The following FLRT2 variants were observed in gnomAD, a reference collection of about 807,000 sequenced individuals.
FLRT2 encodes fibronectin leucine rich transmembrane protein 2, also known as leucine-rich repeat transmembrane protein FLRT2.
In FLRT2, 15 loss-of-function variants were observed where a neutral mutation model predicts 40.0. The observed-to-expected ratio is 0.38, with a 90% CI of 0.25 to 0.58. The LOEUF is 0.58. Ranked by LOEUF, FLRT2 falls within the 20% of genes least tolerant of loss-of-function variation. The pLI, the probability that FLRT2 is intolerant of heterozygous loss-of-function variation, is 0.71. For synonymous variants in FLRT2, 380 were observed against 336.8 expected (o/e 1.13, Z -1.41); for missense variants, 726 against 840.0 (o/e 0.86, Z 1.68).
intron 1 of FLRT2, among the ~76,000 whole-genome samples, chr14:85,601,691 G>A (rs1230981912): frequency 6.6e-6 from 1 of 152,204 alleles, no homozygotes. Context: ...TGAGACTAAT[G>A]ATAATACTTG....
In FLRT2 at chr14:85,641,701, T is replaced by C. The variant is rs1002444981; in HGVS notation, c.*18204T>C. The C allele has an allele frequency of 1.4e-4, 22 of 152,244 alleles. No individual in the cohort carries two copies. The highest frequency in any genetic ancestry group is 5.9e-4 in the Admixed American group (9 of 15,286). The allele number at this position is 152,244 out of a possible 1,614,324, so 9.4% of individuals were successfully genotyped here. ...GGAATAATTTCTGTTTCCTGCATTT[T>C]ATCTTGTTGGATTAAGTATTTGATA... On this transcript the variant is annotated 3_prime_UTR_variant, in exon 2 of 2. Coordinates refer to ENST00000330753, the MANE Select transcript of FLRT2 (RefSeq NM_013231.6).
In FLRT2 at chr14:85,631,824, T is replaced by C. The variant is rs1893881525; in HGVS notation, c.*8327T>C. The C allele has an allele frequency of 6.6e-6, 1 of 151,994 alleles. No individual in the cohort carries two copies. The highest frequency in any genetic ancestry group is 6.6e-5 in the Admixed American group (1 of 15,256). 9.4% of individuals were successfully genotyped at this position (151,994 alleles called of 1,614,324 possible). A position where few individuals can be genotyped will look rare whatever the true frequency, so the allele number is the denominator to read the frequency against. ...AAAGACCTGAAGAACATCTTTTTATTTTATTTATTTATTTTTTTTTGAGTT... is the reference window on the plus strand; with the variant it reads ...AAAGACCTGAAGAACATCTTTTTATCTTATTTATTTATTTTTTTTTGAGTT... On this transcript the variant is annotated 3_prime_UTR_variant, in exon 2 of 2. Coordinates refer to ENST00000330753, the MANE Select transcript of FLRT2 (RefSeq NM_013231.6).
At chr14:85,553,472 A>G (rs924915443) in intron 1 of FLRT2, among the ~76,000 whole-genome samples, 1 of 152,204 alleles carries the variant, frequency 6.6e-6, no homozygotes, top group African/African-American at 2.4e-5. Flanking sequence ...CTGATGAGCT[A>G]GAAAAAAAAT....
At position 85,649,286 on chromosome 14, in the gene FLRT2, T is replaced by G. The variant is rs556377356; in HGVS notation, c.*25789T>G. The G allele has an allele frequency of 6.6e-6, 1 of 152,276 alleles. No individual in the cohort carries two copies. The highest frequency in any genetic ancestry group is 2.1e-4 in the South Asian group (1 of 4,828). The allele number at this position is 152,276 out of a possible 1,614,324, so 9.4% of individuals were successfully genotyped here. ...TCACTTGACTCAAATTTTGATGATTTAATAGCTCATTGAAAGAACTAGCCT... is the reference window on the plus strand; with the variant it reads ...TCACTTGACTCAAATTTTGATGATTGAATAGCTCATTGAAAGAACTAGCCT... On this transcript the variant is annotated 3_prime_UTR_variant, in exon 2 of 2. Coordinates refer to ENST00000330753, the MANE Select transcript of FLRT2 (RefSeq NM_013231.6).
chr14:85,643,335 C>CTT lies in FLRT2; in HGVS notation c.*19840_*19841dup, dbSNP rs869139746. 6 of 114,288 alleles carry CTT rather than the reference C, an allele frequency of 5.2e-5. No homozygotes were observed. Among genetic ancestry groups the CTT allele is most frequent in the East Asian group, 5.6e-4 (2 of 3,566 alleles). The allele number at this position is 114,288 out of a possible 1,614,324, so 7.1% of individuals were successfully genotyped here. A position where few individuals can be genotyped will look rare whatever the true frequency, so the allele number is the denominator to read the frequency against. ...TCTTTCTTTCTTTCTTTCTTTCTTTCTTTCTTTCTTTCTTTCTTTCTTCCT... is the reference window on the plus strand; with the variant it reads ...TCTTTCTTTCTTTCTTTCTTTCTTTCTTTTTCTTTCTTTCTTTCTTTCTTCCT... On this transcript the variant is annotated 3_prime_UTR_variant, in exon 2 of 2. Coordinates refer to ENST00000330753, the MANE Select transcript of FLRT2 (RefSeq NM_013231.6).
chr14:85,566,485 A>T (rs1890618710), intron 1 of FLRT2, among the ~76,000 whole-genome samples: 1 of 152,124 alleles, frequency 6.6e-6, no homozygotes, highest in South Asian at 2.1e-4. Flanking sequence ...AGCCTGTAAG[A>T]TAATCAAAGG....
chr14:85,622,294 G>A lies in FLRT2; in HGVS notation c.780G>A (p.Gln260=), dbSNP rs1893429691. 2 of 1,613,944 alleles carry A rather than the reference G, an allele frequency of 1.2e-6. No individual in the cohort carries two copies. The highest frequency in any genetic ancestry group is 1.3e-5 in the African/African-American group (1 of 74,872). The change falls in exon 2 of 2, where the codon CAG becomes CAA. Residue 260 remains glutamine, a synonymous_variant. Coordinates refer to ENST00000330753, the MANE Select transcript of FLRT2 (RefSeq NM_013231.6). The part of the protein sequence containing the change: ...PGTHLIRLYL[Q]DNQINHIPLT... ...CGCATCTGATCAGGCTCTATTTGCA[G>A]GACAACCAGATAAACCACATTCCTT... is the stretch of plus-strand genomic sequence containing the variant.
rs909262377 is a variant in FLRT2 at position 85,652,619 on chromosome 14, A to C, written c.*29122A>C. ...ATGACATTATGACTTATTAGGCCAC[A>C]GTTAAATATGAGCTTCATCTATTAG... is the stretch of plus-strand genomic sequence containing the variant. On this transcript the variant is annotated 3_prime_UTR_variant, in exon 2 of 2. Transcript: ENST00000330753. 4 of 152,134 alleles carry C rather than the reference A, an allele frequency of 2.6e-5. No homozygotes were observed. The highest frequency in any genetic ancestry group is 7.2e-5 in the African/African-American group (3 of 41,452). 9.4% of individuals were successfully genotyped at this position (152,134 alleles called of 1,614,324 possible). A position where few individuals can be genotyped will look rare whatever the true frequency, so the allele number is the denominator to read the frequency against.
chr14:85,623,040 G>A lies in FLRT2; in HGVS notation c.1526G>A (p.Cys509Tyr). 1 of 1,614,174 alleles carries A rather than the reference G, an allele frequency of 6.2e-7. No individual in the cohort carries two copies. Residue 509 changes from cysteine to tyrosine, a missense_variant, in exon 2 of 2, where the codon TGT (cysteine) becomes TAT (tyrosine). Cys to Tyr is a radical substitution (Grantham distance 194, BLOSUM62 -2). Around this residue, in one of 3 missense-constraint regions of FLRT2, gnomAD observed 611 missense variants for 690.0 expected, o/e 0.89. Coordinates refer to ENST00000330753, the MANE Select transcript of FLRT2 (RefSeq NM_013231.6). The stretch of plus-strand genomic sequence containing the variant: ...TACCGCGCGGTAGAAGACACCATTT[G>A]TTCAGAGGCCACCACCCATGCCTCC... ...FNYRAVEDTI[C>Y]SEATTHASYL...
rs891543198 is a variant in FLRT2, at chr14:85,622,710, C to T, written c.1196C>T (p.Thr399Ile). The T allele has an allele frequency of 6.2e-7, 1 of 1,614,144 alleles. No homozygotes were observed. Among genetic ancestry groups the T allele is most frequent in the African/African-American group, 1.3e-5 (1 of 75,042 alleles). Residue 399 changes from threonine to isoleucine, a missense_variant, in exon 2 of 2, where the codon ACT becomes ATT. Thr to Ile is a moderately conservative substitution (Grantham distance 89, BLOSUM62 -1). Transcript: ENST00000330753. ...PNPSRSYTPPTPTTSKLPTIP... is the reference protein window; with the variant it reads ...PNPSRSYTPPIPTTSKLPTIP... ...CCTAGCAGAAGCTACACGCCTCCAA[C>T]TCCTACCACATCGAAACTTCCCACG...
At chr14:85,597,704 A>ATG (rs1892203027) in intron 1 of FLRT2, among the ~76,000 whole-genome samples, 1 of 152,000 alleles carries the variant, frequency 6.6e-6, no homozygotes, top group Admixed American at 6.5e-5. Flanking sequence ...TTACAGGCAT[A>ATG]TGCCACCTTG....
rs981035726 is a variant in FLRT2 at position 85,634,912 on chromosome 14, A to G, written c.*11415A>G. 31 of 152,156 alleles carry G rather than the reference A, an allele frequency of 2.0e-4. No homozygotes were observed. Among genetic ancestry groups the G allele is most frequent in the Admixed American group, 2.0e-3 (31 of 15,264 alleles). The allele number at this position is 152,156 out of a possible 1,614,324, so 9.4% of individuals were successfully genotyped here. Reference sequence around the variant, plus strand: ...AGGAATTTAGTTGATCTCCCAAGTTACTTTGGACCTTAAATTCTGTTTTAT... The same window carrying G: ...AGGAATTTAGTTGATCTCCCAAGTTGCTTTGGACCTTAAATTCTGTTTTAT... On this transcript the variant is annotated 3_prime_UTR_variant, in exon 2 of 2. Transcript: ENST00000330753.
At chr14:85,599,483 A>G (rs960588312) in intron 1 of FLRT2, among the ~76,000 whole-genome samples, 4 of 152,172 alleles carry the variant, frequency 2.6e-5, no homozygotes, top group Admixed American at 2.0e-4. Flanking sequence ...ACTGTGACCT[A>G]GTGAAGTTAA....
At chr14:85,600,711 C>A (rs185004188) in intron 1 of FLRT2, among the ~76,000 whole-genome samples, 20 of 152,054 alleles carry the variant, frequency 1.3e-4, no homozygotes, top group African/African-American at 4.3e-4. Context: ...TATAAGGAAC[C>A]AGGGAGTAAG....
intron 1 of FLRT2, among the ~76,000 whole-genome samples, chr14:85,571,009 T>C (rs950387468): frequency 1.3e-5 from 2 of 152,200 alleles, no homozygotes; most frequent in Non-Finnish European, 2.9e-5. Flanking sequence ...TTAAAGTTTA[T>C]GGTTTTCAGT....
chr14:85,596,839 C>T (rs188870897), intron 1 of FLRT2, among the ~76,000 whole-genome samples: 2 of 152,164 alleles, frequency 1.3e-5, no homozygotes, highest in East Asian at 3.9e-4. Flanking sequence ...AATGAGAATA[C>T]TGAGCTGGGA....
At chr14:85,590,081 A>C (rs1891813572) in intron 1 of FLRT2, among the ~76,000 whole-genome samples, 1 of 150,754 alleles carries the variant, frequency 6.6e-6, no homozygotes, top group African/African-American at 2.4e-5. Context: ...TTTAAACATA[A>C]CATTATAGAC....
rs1283965120 is a variant in FLRT2, at chr14:85,624,352, A to G, written c.*855A>G. ...ACATTCAACAGAGATATATTCTAGA[A>G]TACTTTTTTAGAAGAGGCTAATAAA... On this transcript the variant is annotated 3_prime_UTR_variant, in exon 2 of 2. Coordinates refer to ENST00000330753, the MANE Select transcript of FLRT2 (RefSeq NM_013231.6). 6.0e-6 allele frequency: 1 copy of G among 167,070 alleles called. No homozygotes were observed. The highest frequency in any genetic ancestry group is 6.5e-5 in the Admixed American group (1 of 15,286). The allele number at this position is 167,070 out of a possible 1,614,324, so 10.3% of individuals were successfully genotyped here.
chr14:85,550,996 G>A (rs1889588915), intron 1 of FLRT2, among the ~76,000 whole-genome samples: 1 of 152,110 alleles, frequency 6.6e-6, no homozygotes. Context: ...ATTCTGTCTT[G>A]TGAAATCATG....
Sources: allele counts gnomAD v4.1 joint callset (sites outside exome capture counted in the v4.1 genomes callset), GRCh38; gene constraint gnomAD v4.1.1; regional missense constraint gnomAD v4.1.1; transcripts MANE v1.5; gene names NCBI Gene and HGNC (gene_info 2026-07-23, HGNC 2026-07-21).